The following UBXN1 variants were observed in gnomAD, a reference collection of about 807,000 sequenced individuals.
The protein encoded by UBXN1 is UBX domain protein 1, also known as UBX domain-containing protein 1.
A neutral mutation model predicts 42.0 loss-of-function variants in UBXN1; 21 were observed. The observed-to-expected ratio is 0.50, with a 90% CI of 0.35 to 0.72. UBXN1 has a LOEUF of 0.72. UBXN1 is among the 30% of genes least tolerant of loss of function. The pLI is 0.00. For synonymous variants in UBXN1, 172 were observed against 142.6 expected (o/e 1.21, Z -1.47); for missense variants, 374 against 382.2 (o/e 0.98, Z 0.18).
At chr11:62,678,239 AG>A (rs1945067833) in intron 4 of UBXN1, 99 bp downstream of exon 4, 1 of 1,605,442 alleles carries the variant, frequency 6.2e-7, no homozygotes, top group Non-Finnish European at 8.5e-7. Flanking sequence ...GAAAATGCCA[AG>A]AAAGAGGAAA....
In UBXN1 at chr11:62,678,408, C is replaced by A; in HGVS notation, c.221G>T (p.Gly74Val). ...PTSSEQGGLE[G>V]SGSAAGEGKP... ...GCCTTCTCCGGCAGCAGAACCAGAT[C>A]CTACAAACAAACAATCGGTATTATT... is the stretch of plus-strand genomic sequence containing the variant. The change falls in exon 4 of 9, where the codon GGA (glycine) becomes GTA (valine). Residue 74 changes from glycine (G) to valine (V), a missense_variant and splice_region_variant. Gly to Val is a moderately radical substitution (Grantham distance 109). Transcript: ENST00000301935. 3 of 1,614,136 alleles carry A rather than the reference C, an allele frequency of 1.9e-6. No homozygotes were observed. The highest frequency in any genetic ancestry group is 2.5e-6 in the Non-Finnish European group (3 of 1,180,018).
intron 8 of UBXN1, 75 bp downstream of exon 8, chr11:62,676,738 G>C: frequency 6.2e-7 from 1 of 1,614,070 alleles, no homozygotes; most frequent in Non-Finnish European, 8.5e-7. Context: ...CCTTCTCTTT[G>C]CATCCCTCCT....
In UBXN1 at chr11:62,678,719, C is replaced by T; in HGVS notation, c.84G>A (p.Gly28=). Reference sequence around the variant, plus strand: ...CCATCGCAGCCTCGATGCCCTGGTTCCCTGTGAGGGCCAGAGCCTTCTCCC... The same window carrying T: ...CCATCGCAGCCTCGATGCCCTGGTTTCCTGTGAGGGCCAGAGCCTTCTCCC... ...GRAEKALALT[G]NQGIEAAMDW... The change falls in exon 2 of 9, where the codon GGG becomes GGA. Residue 28 remains glycine, a synonymous_variant. Coordinates refer to ENST00000301935, the MANE Select transcript of UBXN1 (RefSeq NM_001286077.2). 2 of 1,535,582 alleles carry T rather than the reference C, an allele frequency of 1.3e-6. No individual in the cohort carries two copies. Among genetic ancestry groups the T allele is most frequent in the South Asian group, 1.1e-5 (1 of 89,934 alleles).
rs935201515 is a variant in UBXN1, at chr11:62,676,971, G to T, written c.686C>A (p.Thr229Lys). The change falls in exon 8 of 9, where the codon ACG (threonine) becomes AAG (lysine). Residue 229 changes from threonine (T) to lysine (K), a missense_variant. Physicochemically the swap from Thr to Lys is moderately conservative, Grantham distance 78. Coordinates refer to ENST00000301935, the MANE Select transcript of UBXN1 (RefSeq NM_001286077.2). ...RLPDGTSLTQ[T>K]FRAREQLAAV... ...TGCCAGCTGTTCCCGGGCCCGGAACGTCTGGGTCAGTGAGGTCCCATCTGG... is the reference window on the plus strand; with the variant it reads ...TGCCAGCTGTTCCCGGGCCCGGAACTTCTGGGTCAGTGAGGTCCCATCTGG... 1.9e-6 allele frequency: 3 copies of T among 1,611,518 alleles called. No individual in the cohort carries two copies. Among genetic ancestry groups the T allele is most frequent in the Non-Finnish European group, 2.5e-6 (3 of 1,180,012 alleles).
At position 62,678,018 on chromosome 11, in the gene UBXN1, A is replaced by T; in HGVS notation, c.391T>A (p.Leu131Met). The part of the protein sequence containing the change: ...ERQRRRQGQE[L>M]SAARQRLQED... ...TGTAGCCGCTGTCGTGCTGCTGACA[A>T]CTCTTGCCCTTGTCTCCTGCGCTGC... Residue 131 changes from leucine to methionine, a missense_variant, in exon 5 of 9, where the codon TTG becomes ATG. Coordinates refer to ENST00000301935, the MANE Select transcript of UBXN1 (RefSeq NM_001286077.2). 6.2e-7 allele frequency: 1 copy of T among 1,613,478 alleles called. No individual in the cohort carries two copies. Among genetic ancestry groups the T allele is most frequent in the Non-Finnish European group, 8.5e-7 (1 of 1,179,848 alleles).
intron 3 of UBXN1, 41 bp from the exon 4 acceptor site, chr11:62,678,449 C>T (rs1443789035): frequency 6.2e-7 from 1 of 1,613,950 alleles, no homozygotes; most frequent in South Asian, 1.1e-5. Flanking sequence ...TTCAGATTCT[C>T]CTCGGACCCT....
Position 62,677,841 on chromosome 11 carries a change from T to C in UBXN1, c.483-9A>G, listed in dbSNP as rs775062422. On this transcript the variant is annotated splice_polypyrimidine_tract_variant and intron_variant, in intron 5 of 8. Coordinates refer to ENST00000301935, the MANE Select transcript of UBXN1 (RefSeq NM_001286077.2). ...TTTCTCTAACTCTTTGTCTGAAATG[T>C]AGACAAGAAGAAATTAGGTCAGACA... 2.5e-6 allele frequency: 4 copies of C among 1,614,238 alleles called. No individual in the cohort carries two copies. The highest frequency in any genetic ancestry group is 1.7e-5 in the Admixed American group (1 of 60,026).
In UBXN1 at chr11:62,678,037, G is replaced by C. The variant is rs764586757; in HGVS notation, c.372C>G (p.Arg124=). ...CTGACAACTCTTGCCCTTGTCTCCT[G>C]CGCTGCCGTTCCCGTTCCAATGCCT... ...EREALERERQ[R]RRQGQELSAA... is the part of the protein sequence containing the mutation. Residue 124 remains arginine, a synonymous_variant, in exon 5 of 9, where the codon CGC becomes CGG. Coordinates refer to ENST00000301935, the MANE Select transcript of UBXN1 (RefSeq NM_001286077.2). The C allele has an allele frequency of 6.2e-7, 1 of 1,614,068 alleles. No individual in the cohort carries two copies. The highest frequency in any genetic ancestry group is 1.1e-5 in the South Asian group (1 of 91,066).
rs1945045284 is a variant in UBXN1, at chr11:62,677,627, C to T, written c.542G>A (p.Gly181Asp). ...TGGGGGTGGCTGAGAGCCCACACTGCCACCATACTAAAGGGCAAAGTAAAA... is the reference window on the plus strand; with the variant it reads ...TGGGGGTGGCTGAGAGCCCACACTGTCACCATACTAAAGGGCAAAGTAAAA... ...DKAERAKKYG[G>D]SVGSQPPPVA... is the part of the protein sequence containing the mutation. Residue 181 changes from glycine to aspartate, a missense_variant, in exon 7 of 9, where the codon GGC becomes GAC. Coordinates refer to ENST00000301935, the MANE Select transcript of UBXN1 (RefSeq NM_001286077.2). 3.1e-6 allele frequency: 5 copies of T among 1,612,212 alleles called. No homozygotes were observed. The highest frequency in any genetic ancestry group is 1.3e-5 in the African/African-American group (1 of 74,920).
At chr11:62,677,856 T>C in intron 5 of UBXN1, 24 bp from the exon 6 acceptor site, 1 of 1,614,212 alleles carries the variant, frequency 6.2e-7, no homozygotes, top group Non-Finnish European at 8.5e-7. Flanking sequence ...AAGAAGAAAT[T>C]AGGTCAGACA....
Position 62,678,843 on chromosome 11 carries a change from C to G in UBXN1, c.59+22G>C, listed in dbSNP as rs770864912. ...TCCGCGACCCCCCACACCCGCAGGCCGGGGTTGGGGAACTCCCTTACGCGC... is the reference window on the plus strand; with the variant it reads ...TCCGCGACCCCCCACACCCGCAGGCGGGGGTTGGGGAACTCCCTTACGCGC... On this transcript the variant is annotated intron_variant, in intron 1 of 8. Transcript: ENST00000301935. 3.1e-6 allele frequency: 5 copies of G among 1,608,396 alleles called. No homozygotes were observed. In the Admixed American group the frequency reaches 8.4e-5, roughly 27 times the overall value.
At position 62,678,937 on chromosome 11, in the gene UBXN1, C is replaced by A; in HGVS notation, c.-14G>T. 6.4e-7 allele frequency: 1 copy of A among 1,571,888 alleles called. No individual in the cohort carries two copies. The highest frequency in any genetic ancestry group is 1.8e-5 in the Admixed American group (1 of 54,610). On this transcript the variant is annotated 5_prime_UTR_variant, in exon 1 of 9. Coordinates refer to ENST00000301935, the MANE Select transcript of UBXN1 (RefSeq NM_001286077.2). The stretch of plus-strand genomic sequence containing the variant: ...CAGCTCCGCCATGGCGCCGACACCG[C>A]GGCTTCCGCGGGGACCTGGTGTGTG...
chr11:62,678,819 C>T (rs2134674438), intron 1 of UBXN1, 46 bp downstream of exon 1: 1 of 1,609,616 alleles, frequency 6.2e-7, no homozygotes, highest in African/African-American at 1.3e-5. Context: ...CGAGACAGGT[C>T]CGCGACCCCC....
In UBXN1 at chr11:62,677,587, T is replaced by C. The variant is rs768046965; in HGVS notation, c.582A>G (p.Pro194=). 13 of 1,613,780 alleles carry C rather than the reference T, an allele frequency of 8.1e-6. No homozygotes were observed. Among genetic ancestry groups the C allele is most frequent in the Non-Finnish European group, 1.1e-5 (13 of 1,179,864 alleles). Residue 194 remains proline, a synonymous_variant, in exon 7 of 9, where the codon CCA becomes CCG. Coordinates refer to ENST00000301935, the MANE Select transcript of UBXN1 (RefSeq NM_001286077.2). ...GSQPPPVAPE[P]GPVPSSPSQE... ...GGCTGGGAGAAGAGGGAACAGGACC[T>C]GGCTCTGGTGCCACTGGGGGTGGCT...
chr11:62,678,214 T>C (rs751413743), intron 4 of UBXN1, 96 bp from the exon 5 acceptor site: 4 of 1,603,906 alleles, frequency 2.5e-6, no homozygotes, highest in Non-Finnish European at 3.4e-6. Context: ...TATCCCAAAG[T>C]AGATTAAAGG....
chr11:62,678,575 T>C lies in UBXN1; in HGVS notation c.140A>G (p.Asp47Gly). Residue 47 changes from aspartate to glycine, a missense_variant, in exon 3 of 9, where the codon GAT (aspartate) becomes GGT (glycine). Physicochemically the swap from Asp to Gly is moderately conservative, Grantham distance 94. Coordinates refer to ENST00000301935, the MANE Select transcript of UBXN1 (RefSeq NM_001286077.2). The part of the protein sequence containing the change: ...DWLMEHEDDP[D>G]VDEPLETPLG... ...GGGAGTCTCTAAAGGCTCGTCCACA[T>C]CGGGGTCGTCTTCGTGCTCCATCAG... The C allele has an allele frequency of 6.2e-7, 1 of 1,611,574 alleles. No individual in the cohort carries two copies. The highest frequency in any genetic ancestry group is 8.5e-7 in the Non-Finnish European group (1 of 1,178,248).
chr11:62,678,905 G>C lies in UBXN1; in HGVS notation c.19C>G (p.Leu7Val). The part of the protein sequence containing the change: MAELTA[L>V]ESLIEMGFPR... ...AAGCCCATCTCGATGAGACTCTCAAGAGCCGTCAGCTCCGCCATGGCGCCG... is the reference window on the plus strand; with the variant it reads ...AAGCCCATCTCGATGAGACTCTCAACAGCCGTCAGCTCCGCCATGGCGCCG... Residue 7 changes from leucine to valine, a missense_variant, in exon 1 of 9, where the codon CTT becomes GTT. Leu to Val is a conservative substitution (Grantham distance 32). Transcript: ENST00000301935. The C allele has an allele frequency of 2.5e-6, 4 of 1,596,450 alleles. No individual in the cohort carries two copies. In the South Asian group the frequency reaches 4.5e-5, roughly 18 times the overall value.
At chr11:62,677,861 C>A (rs767330375) in intron 5 of UBXN1, 29 bp from the exon 6 acceptor site, 2 of 1,614,178 alleles carry the variant, frequency 1.2e-6, no homozygotes, top group South Asian at 1.1e-5. Flanking sequence ...GAAATTAGGT[C>A]AGACATCAAC....
At position 62,676,652 on chromosome 11, in the gene UBXN1, G is replaced by A. The variant is rs769828660; in HGVS notation, c.845-13C>T. 1.2e-6 allele frequency: 2 copies of A among 1,614,092 alleles called. No homozygotes were observed. The stretch of plus-strand genomic sequence containing the variant: ...GAAGGCACGAGTCCTGAAGATGGAA[G>A]AAAACAGGCTTGAACCACAAGGATA... On this transcript the variant is annotated splice_polypyrimidine_tract_variant and intron_variant, in intron 8 of 8. Coordinates refer to ENST00000301935, the MANE Select transcript of UBXN1 (RefSeq NM_001286077.2).
Sources: gnomAD v4.1 joint callset for allele counts on GRCh38, gnomAD v4.1.1 for gene constraint, MANE v1.5 for transcripts, NCBI Gene and HGNC (gene_info 2026-07-23, HGNC 2026-07-21) for gene names.